Variants in NBAS observed in about 807,000 individuals in gnomAD.
NBAS encodes NBAS subunit of NRZ tethering complex.
In NBAS, 219 loss-of-function variants were observed where a neutral mutation model predicts 302.5. The observed-to-expected ratio is 0.72, with a 90% CI of 0.65 to 0.81. NBAS has a LOEUF of 0.81. NBAS is among the 30% of genes least tolerant of loss of function. NBAS has a pLI of 0.00. For synonymous variants in NBAS, 1,118 were observed against 1,021.6 expected (o/e 1.09, Z -1.80); for missense variants, 2,932 against 2,841.6 (o/e 1.03, Z -0.72).
At chr2:14,991,159 A>G in the NBAS span, among the ~76,000 whole-genome samples, 1 of 152,150 alleles carries the variant, frequency 6.6e-6, no homozygotes, top group African/African-American at 2.4e-5. Flanking sequence ...CATAGAAGAC[A>G]TGCAGGGTCC....
chr2:15,239,381 A>ATG (rs1272077945), intron 44 of NBAS, among the ~76,000 whole-genome samples: 199 of 120,564 alleles, frequency 1.7e-3, no homozygotes, highest in African/African-American at 5.5e-3. Flanking sequence ...GTGTGTGTGT[A>ATG]TGTGTGCGTG....
chr2:15,417,488 C>T, intron 24 of NBAS, 39 bp downstream of exon 24: 2 of 1,554,000 alleles, frequency 1.3e-6, no homozygotes, highest in Non-Finnish European at 1.8e-6. Context: ...ATAGAAAATG[C>T]TTTAAAATAT....
intron 12 of NBAS, among the ~76,000 whole-genome samples, chr2:15,480,092 G>C (rs1239494712): frequency 6.6e-6 from 1 of 152,176 alleles, no homozygotes; most frequent in Non-Finnish European, 1.5e-5. Context: ...TGTAATCCCA[G>C]AACTTTGGAA....
intron 1 of NBAS, among the ~76,000 whole-genome samples, chr2:15,558,995 C>T (rs1048648688): frequency 5.3e-5 from 7 of 130,866 alleles, no homozygotes; most frequent in East Asian, 2.2e-4. Flanking sequence ...GTTGAAGCTA[C>T]GAAGCTACAG....
At chr2:15,258,942 C>A (rs538287807) in intron 44 of NBAS, among the ~76,000 whole-genome samples, 1 of 152,062 alleles carries the variant, frequency 6.6e-6, no homozygotes, top group South Asian at 2.1e-4. Flanking sequence ...AAGGACCTAC[C>A]GATATGTGAT....
chr2:15,141,898 C>T, the NBAS span, among the ~76,000 whole-genome samples: 2 of 152,128 alleles, frequency 1.3e-5, no homozygotes, highest in African/African-American at 4.8e-5. Flanking sequence ...TATGTCTGTA[C>T]GGGTTTTGTT....
At chr2:14,802,999 C>A in the NBAS span, among the ~76,000 whole-genome samples, 5 of 150,110 alleles carry the variant, frequency 3.3e-5, no homozygotes, top group East Asian at 5.9e-4. Flanking sequence ...TGTAACTAAC[C>A]TGCACAATGT....
intron 44 of NBAS, among the ~76,000 whole-genome samples, chr2:15,242,574 T>G (rs1667911844): frequency 1.3e-5 from 2 of 151,910 alleles, no homozygotes; most frequent in Admixed American, 1.3e-4. Context: ...TTTATTTTCT[T>G]TAAACTGTTC....
At chr2:15,096,809 A>G in the NBAS span, among the ~76,000 whole-genome samples, 1 of 152,182 alleles carries the variant, frequency 6.6e-6, no homozygotes, top group East Asian at 1.9e-4. Flanking sequence ...TTCACCCACA[A>G]AAAAAATATA....
intron 11 of NBAS, among the ~76,000 whole-genome samples, chr2:15,495,333 C>G (rs1681025292): frequency 6.6e-6 from 1 of 152,126 alleles, no homozygotes; most frequent in African/African-American, 2.4e-5. Flanking sequence ...AACAAAAAAT[C>G]TGCATGATCT....
the NBAS span, among the ~76,000 whole-genome samples, chr2:14,921,127 T>A: frequency 6.6e-6 from 1 of 151,926 alleles, no homozygotes; most frequent in Non-Finnish European, 1.5e-5. Flanking sequence ...CATTGTAGGG[T>A]TATTAACTGG....
intron 9 of NBAS, among the ~76,000 whole-genome samples, chr2:15,522,865 A>G (rs766557872): frequency 3.3e-5 from 5 of 152,346 alleles, no homozygotes; most frequent in Non-Finnish European, 7.3e-5. Flanking sequence ...CACGTTTTAT[A>G]TTTATTACAT....
chr2:15,479,488 A>G (rs993009809), intron 12 of NBAS, among the ~76,000 whole-genome samples: 3 of 152,172 alleles, frequency 2.0e-5, no homozygotes, highest in African/African-American at 7.2e-5. Context: ...CTTCCTACTT[A>G]CATTTTGGAG....
At chr2:15,533,744 T>A in intron 9 of NBAS, among the ~76,000 whole-genome samples, 1 of 148,930 alleles carries the variant, frequency 6.7e-6, no homozygotes, top group South Asian at 2.1e-4. Flanking sequence ...GTATAAAAAT[T>A]TCATAATAAT....
chr2:15,123,523 G>A, the NBAS span, among the ~76,000 whole-genome samples: 2 of 152,140 alleles, frequency 1.3e-5, no homozygotes, highest in Non-Finnish European at 2.9e-5. Flanking sequence ...TGGGCCCTAC[G>A]GGGAGGTGTT....
At chr2:15,109,804 G>C in the NBAS span, among the ~76,000 whole-genome samples, 1 of 152,022 alleles carries the variant, frequency 6.6e-6, no homozygotes, top group South Asian at 2.1e-4. Context: ...CCATCACTTT[G>C]GAGGTTAGGA....
At chr2:15,328,077 A>G in intron 37 of NBAS, 122 bp downstream of exon 37, 5 of 1,193,018 alleles carry the variant, frequency 4.2e-6, no homozygotes, top group East Asian at 2.4e-5. Context: ...GTAAAAACCA[A>G]TGAATAACAT....
At chr2:14,974,808 A>G in the NBAS span, among the ~76,000 whole-genome samples, 1 of 152,202 alleles carries the variant, frequency 6.6e-6, no homozygotes, top group Non-Finnish European at 1.5e-5. Flanking sequence ...CACTCCCATG[A>G]TTGTGTTGTT....
chr2:15,431,084 G>A (rs183095933), intron 21 of NBAS, among the ~76,000 whole-genome samples: 1 of 152,136 alleles, frequency 6.6e-6, no homozygotes, highest in Admixed American at 6.5e-5. Flanking sequence ...TGGGATTACA[G>A]GCGTGCGCCA....
Sources: gnomAD v4.1 joint callset for allele counts (sites outside exome capture counted in the v4.1 genomes callset) on GRCh38, gnomAD v4.1.1 for gene constraint, MANE v1.5 for transcripts, NCBI Gene and HGNC (gene_info 2026-07-23, HGNC 2026-07-21) for gene names.